Variants in SGK1 observed in about 807,000 individuals in gnomAD.
The protein encoded by SGK1 is serum/glucocorticoid regulated kinase 1.
In SGK1, 26 loss-of-function variants were observed where a neutral mutation model predicts 64.2. The observed-to-expected ratio is 0.40, with a 90% confidence interval of 0.30 to 0.56. The LOEUF (loss-of-function observed/expected upper bound fraction) is 0.56, where lower values mean the gene tolerates loss of function less well. Among genes scored for constraint, SGK1 ranks in the 20% least tolerant of loss-of-function variants. SGK1 has a pLI of 0.38. For synonymous variants in SGK1, 265 were observed against 239.7 expected (o/e 1.11, Z -0.98); for missense variants, 519 against 645.6 (o/e 0.80, Z 2.12).
chr6:134,293,478 GT>G (rs1777296827), intron 1 of SGK1, among the ~76,000 whole-genome samples: 1 of 152,122 alleles, frequency 6.6e-6, no homozygotes, highest in South Asian at 2.1e-4. Flanking sequence ...TTACAAACAG[GT>G]TTTGACATTG....
intron 1 of SGK1, among the ~76,000 whole-genome samples, chr6:134,304,137 G>A (rs943625238): frequency 3.9e-5 from 6 of 152,198 alleles, no homozygotes; most frequent in African/African-American, 1.4e-4. Context: ...CAAACAAGAA[G>A]CTTTCTCGGA....
At chr6:134,281,375 G>A (rs767147922) in intron 1 of SGK1, among the ~76,000 whole-genome samples, 2 of 152,166 alleles carry the variant, frequency 1.3e-5, no homozygotes, top group Non-Finnish European at 2.9e-5. Context: ...TATGTAACAA[G>A]TGGTAAGGAT....
chr6:134,302,995 T>A (rs1024056088), intron 1 of SGK1, among the ~76,000 whole-genome samples: 4 of 152,020 alleles, frequency 2.6e-5, no homozygotes, highest in Non-Finnish European at 5.9e-5. Flanking sequence ...CCTCAAGTGA[T>A]CCACCCACTT....
intron 2 of SGK1, among the ~76,000 whole-genome samples, chr6:134,217,785 T>G (rs886757891): frequency 1.3e-5 from 2 of 152,204 alleles, no homozygotes; most frequent in Non-Finnish European, 2.9e-5. Context: ...TTATATAACA[T>G]GAGGCCTAGG....
At chr6:134,294,778 T>G (rs919599705) in intron 1 of SGK1, among the ~76,000 whole-genome samples, 1 of 152,154 alleles carries the variant, frequency 6.6e-6, no homozygotes, top group African/African-American at 2.4e-5. Flanking sequence ...TCCTCCCCCC[T>G]TGGCCTCCCA....
chr6:134,228,175 G>A (rs1262348432), intron 2 of SGK1, among the ~76,000 whole-genome samples: 1 of 151,906 alleles, frequency 6.6e-6, no homozygotes, highest in Non-Finnish European at 1.5e-5. Flanking sequence ...GGCTGGTCTC[G>A]AACTCCTGAC....
intron 3 of SGK1, 128 bp from the exon 4 acceptor site, chr6:134,174,714 C>T (rs371530373): frequency 3.3e-5 from 53 of 1,614,052 alleles, no homozygotes; most frequent in Non-Finnish European, 4.0e-5. Context: ...AGAAGTCCCG[C>T]AAGATTCCTG....
At chr6:134,279,385 G>A (rs1266879840) in intron 1 of SGK1, among the ~76,000 whole-genome samples, 3 of 151,672 alleles carry the variant, frequency 2.0e-5, no homozygotes, top group Non-Finnish European at 4.4e-5. Context: ...GAGCTGAGAT[G>A]GTGCCACTGC....
intron 3 of SGK1, among the ~76,000 whole-genome samples, chr6:134,175,075 C>A (rs942525050): frequency 6.6e-6 from 1 of 152,030 alleles, no homozygotes; most frequent in African/African-American, 2.4e-5. Context: ...CGCCCGGGGA[C>A]GGCCTGGCGC....
intron 1 of SGK1, among the ~76,000 whole-genome samples, chr6:134,305,565 C>A (rs1272653494): frequency 3.1e-5 from 4 of 129,220 alleles, no homozygotes; most frequent in South Asian, 4.8e-4. Context: ...AGAGCGAGAC[C>A]CTGTCTCAAA....
In SGK1 at chr6:134,317,552, G is replaced by A; in HGVS notation, c.-92C>T. 1 of 814,450 alleles carries A rather than the reference G, an allele frequency of 1.2e-6. No homozygotes were observed. The highest frequency in any genetic ancestry group is 1.7e-5 in the Admixed American group (1 of 57,738). 50.5% of individuals were successfully genotyped at this position (814,450 alleles called of 1,614,324 possible). A position where few individuals can be genotyped will look rare whatever the true frequency, so the allele number is the denominator to read the frequency against. The stretch of plus-strand genomic sequence containing the variant: ...TTCCCCGGTTTACCTCCTGCAGACA[G>A]TTAATGAAGACTGAGCGGGATGGAG... On this transcript the variant is annotated 5_prime_UTR_variant, in exon 1 of 14. Transcript: ENST00000367858.
intron 2 of SGK1, among the ~76,000 whole-genome samples, chr6:134,247,749 A>C (rs1215206056): frequency 6.6e-6 from 1 of 152,212 alleles, no homozygotes; most frequent in African/African-American, 2.4e-5. Context: ...AATGGAAGCC[A>C]GAGCCAACTC....
In SGK1 at chr6:134,172,177, C is replaced by A. The variant is rs541766523; in HGVS notation, c.1071+16G>T. ...AGGCGGGGGTAAACCAGGCACCAAA[C>A]CAAGACAGCGCCTACCTCCGGCGTG... On this transcript the variant is annotated intron_variant, in intron 10 of 13. Coordinates refer to ENST00000367858, the MANE Select transcript of SGK1 (RefSeq NM_001143676.3). The A allele has an allele frequency of 6.2e-7, 1 of 1,612,016 alleles. No homozygotes were observed. Among genetic ancestry groups the A allele is most frequent in the Non-Finnish European group, 8.5e-7 (1 of 1,179,274 alleles).
intron 1 of SGK1, among the ~76,000 whole-genome samples, chr6:134,262,811 G>A (rs1776787767): frequency 6.6e-6 from 1 of 151,984 alleles, no homozygotes; most frequent in Admixed American, 6.6e-5. Flanking sequence ...GGAGGCCAAG[G>A]CAGGAGGACT....
chr6:134,304,509 G>A lies in SGK1; in HGVS notation c.69+12883C>T, dbSNP rs908010760. 1.1e-4 allele frequency among the ~76,000 whole-genome samples: 16 copies of A among 152,240 alleles called. No homozygotes were observed. In the East Asian group the frequency reaches 2.3e-3, roughly 22 times the overall value. On this transcript the variant is annotated intron_variant, in intron 1 of 13. Transcript: ENST00000367858. ...TCTACTAAAGATATAAAAGTTAGCC[G>A]GGTGTGGTGGCAGACTGAGGCAGGA...
chr6:134,255,720 G>A (rs781496609), intron 2 of SGK1, among the ~76,000 whole-genome samples: 49 of 151,714 alleles, frequency 3.2e-4, no homozygotes, highest in Non-Finnish European at 6.8e-4. Flanking sequence ...AAGTAGCTGG[G>A]ATTACAGGCG....
intron 2 of SGK1, among the ~76,000 whole-genome samples, chr6:134,213,646 T>TAAATAAATAAATAAA (rs1582715656): frequency 3.5e-5 from 5 of 143,734 alleles, no homozygotes; most frequent in Middle Eastern, 3.6e-3. Flanking sequence ...AAATAAATAA[T>TAAATAAATAAATAAA]AAATAAATAA....
chr6:134,174,447 A>G, intron 4 of SGK1, 64 bp downstream of exon 4: 1 of 1,201,860 alleles, frequency 8.3e-7, no homozygotes, highest in South Asian at 1.3e-5. Flanking sequence ...CGCCGTGATG[A>G]GAATGTTTAC....
chr6:134,241,259 A>G (rs1316710149), intron 2 of SGK1, among the ~76,000 whole-genome samples: 1 of 152,004 alleles, frequency 6.6e-6, no homozygotes, highest in Non-Finnish European at 1.5e-5. Context: ...CATGTTGCCC[A>G]GGCTTCTCTT....
Sources: allele counts gnomAD v4.1 joint callset (sites outside exome capture counted in the v4.1 genomes callset), GRCh38; gene constraint gnomAD v4.1.1; transcripts MANE v1.5; gene names NCBI Gene and HGNC (gene_info 2026-07-23, HGNC 2026-07-21).